PTPN9: variants seen among roughly 807,000 people sequenced by gnomAD.
PTPN9 encodes the protein protein tyrosine phosphatase non-receptor type 9, also known as tyrosine-protein phosphatase non-receptor type 9.
In PTPN9, 26 loss-of-function variants were observed where a neutral mutation model predicts 69.8. The ratio of observed to expected loss-of-function variants is 0.37; its 90% CI spans 0.27 to 0.52. PTPN9 has a LOEUF of 0.52. Among genes scored for constraint, PTPN9 ranks in the 20% least tolerant of loss-of-function variants. The pLI, the probability that PTPN9 is intolerant of heterozygous loss-of-function variation, is 0.91. For missense variants in PTPN9, 549 were observed against 740.3 expected, an observed-to-expected ratio of 0.74 and a Z score of 3.00; for synonymous variants, 274 against 272.5, an observed-to-expected ratio of 1.01 and a Z score of -0.05.
chr15:75,507,624 G>T (rs966139503), intron 6 of PTPN9, among the ~76,000 whole-genome samples: 1 of 151,660 alleles, frequency 6.6e-6, no homozygotes, highest in African/African-American at 2.4e-5. Flanking sequence ...AAAATTAGCC[G>T]GGCGTGACAG....
intron 1 of PTPN9, among the ~76,000 whole-genome samples, chr15:75,562,797 A>AC (rs1266514387): frequency 6.8e-6 from 1 of 146,546 alleles, no homozygotes; most frequent in Admixed American, 6.7e-5. Context: ...GTTTCAAAAA[A>AC]AAAAAAAAAA....
rs74609674 is a variant in PTPN9, at chr15:75,474,017, C to T, written c.1130-250G>A. On this transcript the variant is annotated intron_variant, in intron 9 of 12. Coordinates refer to ENST00000618819, the MANE Select transcript of PTPN9 (RefSeq NM_002833.4). Reference sequence around the variant, plus strand: ...GTGAGTCGTAGGTAGGTTTGGGAAGCACTGCTACATACCCTCTCAGAGTCT... The same window carrying T: ...GTGAGTCGTAGGTAGGTTTGGGAAGTACTGCTACATACCCTCTCAGAGTCT... Among the ~76,000 whole-genome samples the T allele has an allele frequency of 2.4e-4, 37 of 152,262 alleles. No homozygotes were observed. In the East Asian group the frequency reaches 7.1e-3, roughly 29 times the overall value.
intron 4 of PTPN9, 151 bp downstream of exon 4, chr15:75,522,970 G>T: frequency 1.1e-6 from 1 of 918,352 alleles, no homozygotes; most frequent in Non-Finnish European, 1.6e-6. Context: ...AACATGCCGA[G>T]TTCTAAAGGA....
At chr15:75,491,285 C>T (rs1162653018) in intron 7 of PTPN9, among the ~76,000 whole-genome samples, 2 of 152,068 alleles carry the variant, frequency 1.3e-5, no homozygotes, top group East Asian at 3.9e-4. Flanking sequence ...CACCTGTAAT[C>T]CCAGCTACTC....
intron 7 of PTPN9, among the ~76,000 whole-genome samples, chr15:75,495,699 A>G (rs561315801): frequency 6.6e-6 from 1 of 152,226 alleles, no homozygotes; most frequent in East Asian, 1.9e-4. Context: ...CCTGGGCAAC[A>G]TCAAAACAAC....
Position 75,464,924 on chromosome 15 carries a change from A to G in PTPN9, c.*3845T>C, listed in dbSNP as rs570960615. ...CGTCTCAGGAGTCCCATCCTAGCCAATGAGGATGGGCAAGATGAAGGGAGC... is the reference window on the plus strand; with the variant it reads ...CGTCTCAGGAGTCCCATCCTAGCCAGTGAGGATGGGCAAGATGAAGGGAGC... On this transcript the variant is annotated 3_prime_UTR_variant, in exon 13 of 13. Transcript: ENST00000618819. 5 of 152,288 alleles carry G rather than the reference A, an allele frequency of 3.3e-5. No homozygotes were observed. The East Asian group carries it at 7.7e-4, about 24-fold the overall frequency. 9.4% of individuals were successfully genotyped at this position (152,288 alleles called of 1,614,324 possible). A position where few individuals can be genotyped will look rare whatever the true frequency, so the allele number is the denominator to read the frequency against.
At chr15:75,533,665 C>A (rs964800149) in intron 1 of PTPN9, among the ~76,000 whole-genome samples, 2 of 152,052 alleles carry the variant, frequency 1.3e-5, no homozygotes, top group African/African-American at 4.8e-5. Flanking sequence ...TGACTATGGC[C>A]ATGAAGATAA....
rs1316731391 is a variant in PTPN9 at position 75,470,752 on chromosome 15, G to A, written c.1287C>T (p.Leu429=). The part of the protein sequence containing the change: ...EKDSRIRFGF[L]TVTNLGVENM... ...TCTCCACGCCTAGATTGGTCACTGT[G>A]AGGAAGCCAAATCGGATCCGAGAGT... Residue 429 remains leucine (L), a synonymous_variant, in exon 11 of 13, where the codon CTC becomes CTT. Transcript: ENST00000618819. The A allele has an allele frequency of 1.9e-6, 3 of 1,614,070 alleles. No individual in the cohort carries two copies.
chr15:75,504,017 C>G (rs1270372647), intron 7 of PTPN9, among the ~76,000 whole-genome samples: 34 of 128,576 alleles, frequency 2.6e-4, no homozygotes, highest in African/African-American at 9.5e-4. Flanking sequence ...CCGCCCCGTC[C>G]GGGAGGGAGG....
chr15:75,539,201 C>T (rs558073285), intron 1 of PTPN9, among the ~76,000 whole-genome samples: 18 of 152,092 alleles, frequency 1.2e-4, no homozygotes, highest in Non-Finnish European at 2.6e-4. Flanking sequence ...CCCGCCTTGG[C>T]CTCCCAAAGT....
chr15:75,470,517 T>C (rs1053193033), intron 11 of PTPN9, among the ~76,000 whole-genome samples, 163 bp downstream of exon 11: 17 of 152,244 alleles, frequency 1.1e-4, no homozygotes, highest in African/African-American at 3.4e-4. Flanking sequence ...TGCAGTAATA[T>C]GGCTATATTG....
At chr15:75,531,289 G>A (rs1420288850) in intron 1 of PTPN9, among the ~76,000 whole-genome samples, 1 of 152,014 alleles carries the variant, frequency 6.6e-6, no homozygotes, top group African/African-American at 2.4e-5. Flanking sequence ...CAAAGTGCAT[G>A]AAAAGAGCCA....
intron 1 of PTPN9, among the ~76,000 whole-genome samples, chr15:75,562,528 T>C (rs1225226710): frequency 6.6e-6 from 1 of 152,084 alleles, no homozygotes; most frequent in Non-Finnish European, 1.5e-5. Context: ...ATCATCCCTA[T>C]ATCTTAAAGA....
intron 10 of PTPN9, among the ~76,000 whole-genome samples, chr15:75,472,365 A>G (rs1421559241): frequency 6.6e-6 from 1 of 152,086 alleles, no homozygotes; most frequent in Non-Finnish European, 1.5e-5. Context: ...AGGCTGAGGC[A>G]GGAGAATGGC....
At chr15:75,469,380 A>C (rs1052428288) in intron 12 of PTPN9, among the ~76,000 whole-genome samples, 5 of 152,270 alleles carry the variant, frequency 3.3e-5, no homozygotes, top group Admixed American at 2.6e-4. Flanking sequence ...AGAAAGGCCA[A>C]CATTTCCTAC....
At position 75,505,944 on chromosome 15, in the gene PTPN9, T is replaced by C. The variant is rs2074817534; in HGVS notation, c.699A>G (p.Glu233=). The change falls in exon 7 of 13, where the codon GAA becomes GAG. Residue 233 remains glutamate, a synonymous_variant. Coordinates refer to ENST00000618819, the MANE Select transcript of PTPN9 (RefSeq NM_002833.4). ...CAATTTTGACGTACCCACCCAGGTT[T>C]TCTGGAAGACACTCCCTGGGCAGAT... is the stretch of plus-strand genomic sequence containing the variant. ...TQHLPRECLP[E]NLGGYVKIDL... The C allele has an allele frequency of 1.2e-6, 2 of 1,613,990 alleles. No homozygotes were observed. The highest frequency in any genetic ancestry group is 1.7e-5 in the Admixed American group (1 of 59,996).
At position 75,470,845 on chromosome 15, in the gene PTPN9, A is replaced by T. The variant is rs1260077646; in HGVS notation, c.1209-15T>A. On this transcript the variant is annotated splice_polypyrimidine_tract_variant and intron_variant, in intron 10 of 12. Coordinates refer to ENST00000618819, the MANE Select transcript of PTPN9 (RefSeq NM_002833.4). ...CTTCCTCAAAGCTGAAGACACACAG[A>T]GCAAGGTAAGCCTTCCATCGTTCCT... 6.2e-7 allele frequency: 1 copy of T among 1,612,594 alleles called. No homozygotes were observed. Among genetic ancestry groups the T allele is most frequent in the African/African-American group, 1.3e-5 (1 of 74,958 alleles).
chr15:75,470,528 G>T, intron 11 of PTPN9, 152 bp downstream of exon 11: 3 of 914,956 alleles, frequency 3.3e-6, no homozygotes, highest in Non-Finnish European at 5.0e-6. Flanking sequence ...GGCTATATTG[G>T]CTGTGAGTTA....
intron 9 of PTPN9, among the ~76,000 whole-genome samples, chr15:75,478,661 C>T (rs1453298402): frequency 6.6e-6 from 1 of 152,200 alleles, no homozygotes; most frequent in Non-Finnish European, 1.5e-5. Flanking sequence ...AGCCAGTTTT[C>T]TTATAGTATG....
Sources: gnomAD v4.1 joint callset for allele counts (sites outside exome capture counted in the v4.1 genomes callset) on GRCh38, gnomAD v4.1.1 for gene constraint, MANE v1.5 for transcripts, NCBI Gene and HGNC (gene_info 2026-07-23, HGNC 2026-07-21) for gene names.